Variants in MTUS2 observed in about 807,000 individuals in gnomAD.
MTUS2 encodes microtubule associated scaffold protein 2, also known as microtubule-associated tumor suppressor candidate 2.
In MTUS2, 40 loss-of-function variants were observed where a neutral mutation model predicts 114.1. That is an observed-to-expected ratio of 0.35 (90% CI 0.27 to 0.46). The LOEUF (loss-of-function observed/expected upper bound fraction) is 0.46. Among genes scored for constraint, MTUS2 ranks in the 20% least tolerant of loss-of-function variants. MTUS2 has a pLI of 1.00. For synonymous variants in MTUS2, 688 were observed against 672.0 expected (o/e 1.02, Z -0.37); for missense variants, 1,679 against 1,705.4 (o/e 0.98, Z 0.27).
chr13:29,416,222 C>A (rs920635489), intron 8 of MTUS2, among the ~76,000 whole-genome samples: 3 of 151,788 alleles, frequency 2.0e-5, no homozygotes, highest in Non-Finnish European at 2.9e-5. Context: ...AGCCACCATG[C>A]CTGGCCACCA....
intron 7 of MTUS2, among the ~76,000 whole-genome samples, chr13:29,336,943 G>A (rs1901093548): frequency 1.3e-5 from 2 of 152,214 alleles, no homozygotes; most frequent in Non-Finnish European, 2.9e-5. Flanking sequence ...TTTACACTGT[G>A]AGGGGAAAAC....
At chr13:28,963,571 T>A (rs556360162) in intron 2 of MTUS2, among the ~76,000 whole-genome samples, 135 of 152,022 alleles carry the variant, frequency 8.9e-4, no homozygotes, top group African/African-American at 3.0e-3. Context: ...TGTATGAGAG[T>A]GTGTGTGTGT....
intron 8 of MTUS2, among the ~76,000 whole-genome samples, chr13:29,391,446 G>T (rs539286933): frequency 6.6e-6 from 1 of 152,286 alleles, no homozygotes; most frequent in Non-Finnish European, 1.5e-5. Context: ...CCAGGGCATT[G>T]CAGTGCCTGA....
intron 7 of MTUS2, among the ~76,000 whole-genome samples, chr13:29,341,740 T>G (rs570487197): frequency 6.6e-6 from 1 of 152,316 alleles, no homozygotes; most frequent in South Asian, 2.1e-4. Context: ...ACAAGGGTTT[T>G]TCTGATGTTA....
chr13:28,928,262 A>G (rs931998834), intron 2 of MTUS2, among the ~76,000 whole-genome samples: 3 of 152,220 alleles, frequency 2.0e-5, no homozygotes, highest in Non-Finnish European at 4.4e-5. Flanking sequence ...ACGGGATTAC[A>G]GCAAGCCAAA....
chr13:29,017,776 C>A (rs915190403), intron 2 of MTUS2, among the ~76,000 whole-genome samples: 18 of 151,870 alleles, frequency 1.2e-4, no homozygotes, highest in African/African-American at 4.4e-4. Flanking sequence ...ATTACCTCAT[C>A]TGGAGTGCCT....
chr13:28,952,516 A>C (rs1414723002), intron 2 of MTUS2, among the ~76,000 whole-genome samples: 1 of 151,902 alleles, frequency 6.6e-6, no homozygotes, highest in Non-Finnish European at 1.5e-5. Context: ...GTTCTTTCAG[A>C]TTTTTTTCGT....
At chr13:29,182,235 A>T (rs1004383219) in intron 5 of MTUS2, among the ~76,000 whole-genome samples, 3 of 152,226 alleles carry the variant, frequency 2.0e-5, no homozygotes, top group African/African-American at 7.2e-5. Context: ...TATCCAATCC[A>T]TGAGGACATG....
intron 6 of MTUS2, among the ~76,000 whole-genome samples, chr13:29,289,097 G>A (rs989146716): frequency 6.6e-6 from 1 of 152,192 alleles, no homozygotes; most frequent in Non-Finnish European, 1.5e-5. Context: ...AACTGTAGAA[G>A]ATTTTGGTTC....
At position 29,454,779 on chromosome 13, in the gene MTUS2, C is replaced by A. The variant is rs192052165; in HGVS notation, c.3184+14730C>A. ...TACCCCTGAGGAGCTATCTGCATAACTATTTCTTTTCTAGTTCCTCAGTCT... is the reference window on the plus strand; with the variant it reads ...TACCCCTGAGGAGCTATCTGCATAAATATTTCTTTTCTAGTTCCTCAGTCT... On this transcript the variant is annotated intron_variant, in intron 9 of 15. Transcript: ENST00000612955. Among the ~76,000 whole-genome samples the A allele has an allele frequency of 1.9e-3, 290 of 152,326 alleles. 4 individuals carry two copies. Among genetic ancestry groups the A allele is most frequent in the Non-Finnish European group, 2.1e-3 (140 of 68,034 alleles).
rs905945003 is a variant in MTUS2, at chr13:29,457,203, A to T, written c.3184+17154A>T. Among the ~76,000 whole-genome samples, 5 of 151,894 alleles carry T rather than the reference A, an allele frequency of 3.3e-5. No individual in the cohort carries two copies. The South Asian group carries it at 1.0e-3, about 32-fold the overall frequency. On this transcript the variant is annotated intron_variant, in intron 9 of 15. Coordinates refer to ENST00000612955, the MANE Select transcript of MTUS2 (RefSeq NM_001033602.4). ...TGAATTTGTTTATTTTTAAATGTTCAGTTTGAGAAGTTTGGGCTATGAATA... is the reference window on the plus strand; with the variant it reads ...TGAATTTGTTTATTTTTAAATGTTCTGTTTGAGAAGTTTGGGCTATGAATA...
At chr13:29,483,823 C>G (rs979907489) in intron 10 of MTUS2, 1 of 152,254 alleles carries the variant, frequency 6.6e-6, no homozygotes, top group African/African-American at 2.4e-5. Context: ...GCCACAGCTT[C>G]CCTTTGTCAA....
intron 2 of MTUS2, among the ~76,000 whole-genome samples, chr13:28,972,005 T>C (rs981199943): frequency 2.0e-5 from 3 of 152,230 alleles, no homozygotes; most frequent in African/African-American, 7.2e-5. Context: ...AACAAACATA[T>C]GATTTATGGC....
chr13:29,495,181 CAAAAAAA>C (rs71090260), intron 12 of MTUS2, among the ~76,000 whole-genome samples: 3 of 30,068 alleles, frequency 1.0e-4, no homozygotes, highest in African/African-American at 4.0e-4. Context: ...AACTCCGTCT[CAAAAAAA>C]AAAAAAAAAA....
intron 8 of MTUS2, among the ~76,000 whole-genome samples, chr13:29,429,646 A>G (rs1358752767): frequency 6.6e-6 from 1 of 152,178 alleles, no homozygotes; most frequent in Non-Finnish European, 1.5e-5. Flanking sequence ...ATTACTAGAA[A>G]TCTGTTGGCA....
At chr13:29,340,087 C>A (rs1298065963) in intron 7 of MTUS2, among the ~76,000 whole-genome samples, 1 of 152,234 alleles carries the variant, frequency 6.6e-6, no homozygotes, top group Non-Finnish European at 1.5e-5. Context: ...CAAGCTGGCA[C>A]CCTCTGGCCA....
intron 5 of MTUS2, among the ~76,000 whole-genome samples, chr13:29,194,872 T>A (rs1438639237): frequency 2.0e-5 from 3 of 150,474 alleles, no homozygotes; most frequent in African/African-American, 7.3e-5. Flanking sequence ...TAGACTGGAT[T>A]AAGAAAATGT....
chr13:29,246,094 G>A (rs1249890147), intron 5 of MTUS2, among the ~76,000 whole-genome samples: 1 of 152,172 alleles, frequency 6.6e-6, no homozygotes, highest in East Asian at 1.9e-4. Flanking sequence ...TGTAAAATAT[G>A]TATTTAAGTC....
intron 2 of MTUS2, among the ~76,000 whole-genome samples, chr13:28,964,988 C>G (rs1044999110): frequency 1.3e-5 from 2 of 151,970 alleles, no homozygotes; most frequent in African/African-American, 4.8e-5. Flanking sequence ...TGCGATTGCT[C>G]CCTTTAGCTG....
Sources: gnomAD v4.1 joint callset for allele counts (sites outside exome capture counted in the v4.1 genomes callset) on GRCh38, gnomAD v4.1.1 for gene constraint, MANE v1.5 for transcripts, NCBI Gene and HGNC (gene_info 2026-07-23, HGNC 2026-07-21) for gene names.